Variants in ADIG observed in about 807,000 individuals in gnomAD.
ADIG encodes the protein adipogenesis associated.
ADIG carries 12 observed loss-of-function variants against 10.7 expected under a neutral mutation model. That is an observed-to-expected ratio of 1.12 (90% confidence interval 0.72 to 1.82). The LOEUF (loss-of-function observed/expected upper bound fraction) is 1.82, where lower values mean the gene tolerates loss of function less well. ADIG is among the 40% of genes most tolerant of loss of function. ADIG has a pLI of 0.00. For missense variants in ADIG, 72 were observed against 92.5 expected, an observed-to-expected ratio of 0.78 and a Z score of 0.91; for synonymous variants, 32 against 35.6, an observed-to-expected ratio of 0.90 and a Z score of 0.36.
chr20:38,588,303 C>A lies in ADIG; in HGVS notation c.*217C>A. 1 of 1,304,152 alleles carries A rather than the reference C, an allele frequency of 7.7e-7. No individual in the cohort carries two copies. The highest frequency in any genetic ancestry group is 1.2e-5 in the South Asian group (1 of 81,002). 80.8% of individuals were successfully genotyped at this position (1,304,152 alleles called of 1,614,324 possible). On this transcript the variant is annotated 3_prime_UTR_variant, in exon 3 of 3. Transcript: ENST00000537425. ...GATGACCTCCAGCCCTGCAGGGAGCCGCTCAAGTCTGGGAGGGCATGGGAG... is the reference window on the plus strand; with the variant it reads ...GATGACCTCCAGCCCTGCAGGGAGCAGCTCAAGTCTGGGAGGGCATGGGAG...
chr20:38,586,922 C>T (rs376091748), intron 2 of ADIG, among the ~76,000 whole-genome samples: 10 of 152,228 alleles, frequency 6.6e-5, no homozygotes, highest in African/African-American at 2.2e-4. Context: ...CCCAAAGGCC[C>T]TTGCACCCAT....
Position 38,586,105 on chromosome 20 carries a change from G to A in ADIG, c.201G>A (p.Lys67=). 1.2e-6 allele frequency: 2 copies of A among 1,607,466 alleles called. No individual in the cohort carries two copies. Among genetic ancestry groups the A allele is most frequent in the Non-Finnish European group, 1.7e-6 (2 of 1,177,112 alleles). ...WSKGPAEFCW[K]GTLHGQEKER... ...AAGGCCCAGCTGAGTTTTGCTGGAA[G>A]GGGACACTCCACGGCCAAGAGAAGG... The change falls in exon 2 of 3, where the codon AAG becomes AAA. Residue 67 remains lysine, a synonymous_variant. Transcript: ENST00000537425.
At chr20:38,583,613 T>A (rs1260227477) in intron 1 of ADIG, among the ~76,000 whole-genome samples, 2 of 152,352 alleles carry the variant, frequency 1.3e-5, no homozygotes, top group African/African-American at 4.8e-5. Flanking sequence ...GCAGGTGGTG[T>A]GGCTTTGGAT....
At chr20:38,582,313 C>T (rs998908085) in intron 1 of ADIG, among the ~76,000 whole-genome samples, 1 of 152,126 alleles carries the variant, frequency 6.6e-6, no homozygotes, top group Non-Finnish European at 1.5e-5. Context: ...GGGAGAATTG[C>T]TTGAGCCTGG....
At chr20:38,586,574 A>G (rs923271120) in intron 2 of ADIG, among the ~76,000 whole-genome samples, 10 of 151,986 alleles carry the variant, frequency 6.6e-5, no homozygotes, top group African/African-American at 1.9e-4. Flanking sequence ...TATCCTCCGC[A>G]TCGTGCTGCT....
rs764907790 is a variant in ADIG, at chr20:38,581,414, G to A, written c.124+40G>A. On this transcript the variant is annotated intron_variant, in intron 1 of 2. Coordinates refer to ENST00000537425, the MANE Select transcript of ADIG (RefSeq NM_001393816.1). ...CCGTCCAGGCAGGACCCTAATCCTG[G>A]AGCTAGGCAGGGGGCCAAATAGGCC... The A allele has an allele frequency of 3.1e-6, 5 of 1,612,692 alleles. No individual in the cohort carries two copies. The South Asian group carries it at 3.3e-5, about 11-fold the overall frequency.
In ADIG at chr20:38,585,977, G is replaced by A; in HGVS notation, c.125-52G>A. On this transcript the variant is annotated intron_variant, in intron 1 of 2. Coordinates refer to ENST00000537425, the MANE Select transcript of ADIG (RefSeq NM_001393816.1). ...GCAGGGGACTCCTTCCTGGGTCAGG[G>A]GTAGGAGACAGGATGTGACCATCCA... 2.0e-6 allele frequency: 3 copies of A among 1,531,276 alleles called. No individual in the cohort carries two copies. The South Asian group carries it at 3.6e-5, about 18-fold the overall frequency. The allele number at this position is 1,531,276 out of a possible 1,614,324, so 94.9% of individuals were successfully genotyped here. A position where few individuals can be genotyped will look rare whatever the true frequency, so the allele number is the denominator to read the frequency against.
intron 1 of ADIG, chr20:38,585,467 G>A (rs2145579640): frequency 5.2e-6 from 8 of 1,550,564 alleles, no homozygotes; most frequent in Non-Finnish European, 6.1e-6. Context: ...CAGATATGAT[G>A]CAAACATTTT....
At chr20:38,586,814 A>T (rs1265558166) in intron 2 of ADIG, among the ~76,000 whole-genome samples, 2 of 152,108 alleles carry the variant, frequency 1.3e-5, no homozygotes, top group Non-Finnish European at 2.9e-5. Flanking sequence ...AAGCTTACTT[A>T]TGAAATCCTA....
intron 1 of ADIG, 100 bp downstream of exon 1, chr20:38,581,474 T>C: frequency 6.6e-7 from 1 of 1,521,730 alleles, no homozygotes; most frequent in South Asian, 1.2e-5. Context: ...AGGGGCTTCC[T>C]TCAGTCATTT....
chr20:38,584,186 G>A (rs190041044), intron 1 of ADIG, among the ~76,000 whole-genome samples: 108 of 152,240 alleles, frequency 7.1e-4, no homozygotes, highest in Non-Finnish European at 9.6e-4. Context: ...CCAAGTCGAA[G>A]GAGGAGCAAA....
chr20:38,587,016 TA>T (rs2088643520), intron 2 of ADIG, among the ~76,000 whole-genome samples: 1 of 152,148 alleles, frequency 6.6e-6, no homozygotes. Flanking sequence ...GTGTCTCATC[TA>T]ATCTCCTCCC....
At position 38,586,017 on chromosome 20, in the gene ADIG, G is replaced by GT; in HGVS notation, c.125-11dup. 6.3e-7 allele frequency: 1 copy of GT among 1,592,968 alleles called. No individual in the cohort carries two copies. Among genetic ancestry groups the GT allele is most frequent in the Admixed American group, 1.8e-5 (1 of 56,918 alleles). The stretch of plus-strand genomic sequence containing the variant: ...GTGACCATCCAAGAGGCCTTGCCTC[G>GT]TATCTCCACAGATTCAGAGGAAAAT... On this transcript the variant is annotated splice_polypyrimidine_tract_variant and intron_variant, in intron 1 of 2. Transcript: ENST00000537425.
intron 2 of ADIG, among the ~76,000 whole-genome samples, chr20:38,587,842 A>G (rs1258362248): frequency 6.6e-6 from 1 of 151,126 alleles, no homozygotes. Flanking sequence ...AGTTCAAGCA[A>G]TTCTCCTGTC....
intron 1 of ADIG, chr20:38,585,372 C>T: frequency 6.5e-7 from 1 of 1,529,958 alleles, no homozygotes; most frequent in Non-Finnish European, 8.9e-7. Flanking sequence ...AATGGTGCAG[C>T]ATTTGCTTTT....
At chr20:38,587,391 C>G (rs2088646708) in intron 2 of ADIG, among the ~76,000 whole-genome samples, 1 of 152,126 alleles carries the variant, frequency 6.6e-6, no homozygotes, top group Admixed American at 6.5e-5. Flanking sequence ...CCTTTTGGGT[C>G]CCACCTTGAC....
In ADIG at chr20:38,585,846, T is replaced by C. The variant is rs184793868; in HGVS notation, c.125-183T>C. On this transcript the variant is annotated intron_variant, in intron 1 of 2. Coordinates refer to ENST00000537425, the MANE Select transcript of ADIG (RefSeq NM_001393816.1). Reference sequence around the variant, plus strand: ...AGGAGCAGCCTTCTTTCTTGGTCCCTGGTCACCCTTTAAGGCCCTGAAGTC... The same window carrying C: ...AGGAGCAGCCTTCTTTCTTGGTCCCCGGTCACCCTTTAAGGCCCTGAAGTC... 4.9e-3 allele frequency among the ~76,000 whole-genome samples: 750 copies of C among 152,344 alleles called. 2 individuals are homozygous for C. Among genetic ancestry groups the C allele is most frequent in the Non-Finnish European group, 7.5e-3 (513 of 68,018 alleles).
intron 2 of ADIG, among the ~76,000 whole-genome samples, chr20:38,587,493 TC>T (rs2088647513): frequency 6.6e-6 from 1 of 152,170 alleles, no homozygotes; most frequent in Non-Finnish European, 1.5e-5. Context: ...TAACCTGCAG[TC>T]CCACAAGGTC....
At chr20:38,585,905 T>TA in intron 1 of ADIG, 124 bp from the exon 2 acceptor site, 1 of 933,300 alleles carries the variant, frequency 1.1e-6, no homozygotes. Context: ...CATAGGATTC[T>TA]GCCTTGGCCC....
Sources: gnomAD v4.1 joint callset for allele counts (sites outside exome capture counted in the v4.1 genomes callset) on GRCh38, gnomAD v4.1.1 for gene constraint, MANE v1.5 for transcripts, NCBI Gene and HGNC (gene_info 2026-07-23, HGNC 2026-07-21) for gene names.